The following GPC5 variants were observed in gnomAD, a reference collection of about 807,000 sequenced individuals.
GPC5 encodes the protein glypican 5.
In GPC5, 47 loss-of-function variants were observed where a neutral mutation model predicts 53.9. That is an observed-to-expected ratio of 0.87 (90% confidence interval 0.69 to 1.11). GPC5 has a LOEUF of 1.11. GPC5 is among the 50% of genes most tolerant of loss of function. The probability of loss-of-function intolerance (pLI) is 0.00; values close to 1 mark genes in which losing one functional copy is unlikely to be tolerated. For missense variants in GPC5, 748 were observed against 713.1 expected, an observed-to-expected ratio of 1.05 and a Z score of -0.56; for synonymous variants, 286 against 263.3, an observed-to-expected ratio of 1.09 and a Z score of -0.84.
intron 7 of GPC5, among the ~76,000 whole-genome samples, chr13:92,357,248 A>G (rs970260663): frequency 1.3e-5 from 2 of 151,672 alleles, no homozygotes; most frequent in African/African-American, 4.9e-5. Flanking sequence ...GGGATTTCTG[A>G]GTTGAATGGT....
chr13:92,696,822 T>C (rs1424664308), intron 7 of GPC5, among the ~76,000 whole-genome samples: 1 of 152,246 alleles, frequency 6.6e-6, no homozygotes, highest in African/African-American at 2.4e-5. Context: ...GGGGTTTTTA[T>C]GGTTTTAGGT....
intron 7 of GPC5, among the ~76,000 whole-genome samples, chr13:92,783,338 G>T (rs1876099729): frequency 6.6e-6 from 1 of 152,108 alleles, no homozygotes; most frequent in Admixed American, 6.6e-5. Flanking sequence ...GTTTACAGGG[G>T]TTCACTTACA....
At chr13:92,701,762 A>G (rs925367651) in intron 7 of GPC5, among the ~76,000 whole-genome samples, 1 of 152,166 alleles carries the variant, frequency 6.6e-6, no homozygotes, top group Non-Finnish European at 1.5e-5. Flanking sequence ...TCCACATTCT[A>G]GCAATCTATT....
At chr13:92,865,755 C>T (rs1295169211) in intron 7 of GPC5, among the ~76,000 whole-genome samples, 1 of 151,666 alleles carries the variant, frequency 6.6e-6, no homozygotes, top group Non-Finnish European at 1.5e-5. Context: ...ACATTGTACC[C>T]CATCAATATC....
At chr13:92,463,562 C>T (rs945763429) in intron 7 of GPC5, among the ~76,000 whole-genome samples, 1 of 151,862 alleles carries the variant, frequency 6.6e-6, no homozygotes, top group African/African-American at 2.4e-5. Context: ...CTGCTGTGAT[C>T]TTTAAACTAT....
At chr13:92,113,880 G>A (rs2138931901) in intron 6 of GPC5, among the ~76,000 whole-genome samples, 1 of 152,200 alleles carries the variant, frequency 6.6e-6, no homozygotes, top group East Asian at 1.9e-4. Context: ...GAGCAAGAGA[G>A]CAAGATGGGT....
chr13:92,848,512 T>C (rs544827249), intron 7 of GPC5, among the ~76,000 whole-genome samples: 2 of 151,868 alleles, frequency 1.3e-5, no homozygotes, highest in East Asian at 3.9e-4. Flanking sequence ...GCCCTAGGAA[T>C]AGAAAACAAA....
At chr13:92,371,151 AAAACC>A (rs765875912) in intron 7 of GPC5, among the ~76,000 whole-genome samples, 1 of 152,240 alleles carries the variant, frequency 6.6e-6, no homozygotes, top group Non-Finnish European at 1.5e-5. Flanking sequence ...CACCATGTCC[AAAACC>A]AAACCAAACC....
intron 5 of GPC5, among the ~76,000 whole-genome samples, chr13:91,774,995 G>C (rs1436736431): frequency 1.3e-5 from 2 of 152,186 alleles, no homozygotes; most frequent in African/African-American, 4.8e-5. Flanking sequence ...GTAAGTAGGA[G>C]CTAGCTAGGT....
chr13:92,856,709 A>G lies in GPC5; in HGVS notation c.1562-9573A>G, dbSNP rs1428787161. 3.3e-5 allele frequency among the ~76,000 whole-genome samples: 5 copies of G among 152,136 alleles called. No homozygotes were observed. The East Asian group carries it at 9.6e-4, about 29-fold the overall frequency. On this transcript the variant is annotated intron_variant, in intron 7 of 7. Coordinates refer to ENST00000377067, the MANE Select transcript of GPC5 (RefSeq NM_004466.6). ...TAATAACATTCAAGCTGAGAGCCAA[A>G]TCAATAGCATAATCCCATTTGTAAT...
chr13:92,689,332 G>T (rs1336304700), intron 7 of GPC5, among the ~76,000 whole-genome samples: 104 of 6,190 alleles, frequency 0.017, no homozygotes, highest in African/African-American at 0.027. Context: ...GGCCTTCTTT[G>T]TCTCTTTTGA....
intron 3 of GPC5, among the ~76,000 whole-genome samples, chr13:91,727,341 A>T (rs191747329): frequency 6.6e-6 from 1 of 152,088 alleles, no homozygotes; most frequent in East Asian, 1.9e-4. Flanking sequence ...CACCACCCCC[A>T]CTGGGCAAGG....
chr13:91,695,509 G>A (rs1485359605), intron 3 of GPC5, among the ~76,000 whole-genome samples: 1 of 152,056 alleles, frequency 6.6e-6, no homozygotes, highest in Admixed American at 6.5e-5. Context: ...ACGTAGCTGG[G>A]ACTACAGGTG....
chr13:91,986,837 C>T (rs1376103601), intron 6 of GPC5, among the ~76,000 whole-genome samples: 1 of 151,374 alleles, frequency 6.6e-6, no homozygotes, highest in Non-Finnish European at 1.5e-5. Context: ...TTAGTAAAAA[C>T]ATTTATATTT....
chr13:91,632,065 A>G (rs751931562), intron 2 of GPC5, among the ~76,000 whole-genome samples: 25 of 152,176 alleles, frequency 1.6e-4, no homozygotes, highest in Non-Finnish European at 2.9e-4. Flanking sequence ...GCCAACTGGT[A>G]CAATTGATCT....
chr13:92,477,516 G>C (rs1879197008), intron 7 of GPC5, among the ~76,000 whole-genome samples: 1 of 152,126 alleles, frequency 6.6e-6, no homozygotes, highest in East Asian at 1.9e-4. Flanking sequence ...CCTCTCCTGA[G>C]TGAAGGCAAT....
chr13:91,707,390 A>G (rs543656763), intron 3 of GPC5, among the ~76,000 whole-genome samples: 1 of 152,286 alleles, frequency 6.6e-6, no homozygotes, highest in Admixed American at 6.5e-5. Flanking sequence ...TGGGAGGCCA[A>G]GATGGGAGGA....
At chr13:92,680,525 AAAAT>A (rs1887081143) in intron 7 of GPC5, among the ~76,000 whole-genome samples, 1 of 152,206 alleles carries the variant, frequency 6.6e-6, no homozygotes, top group Non-Finnish European at 1.5e-5. Flanking sequence ...AATGAATAGA[AAAAT>A]AAATTGCTCT....
At chr13:92,289,927 C>A (rs895580442) in intron 7 of GPC5, among the ~76,000 whole-genome samples, 7 of 152,060 alleles carry the variant, frequency 4.6e-5, no homozygotes, top group African/African-American at 1.7e-4. Flanking sequence ...AAAGAAAATT[C>A]TTTTAAATTT....
Sources: allele counts gnomAD v4.1 joint callset (sites outside exome capture counted in the v4.1 genomes callset), GRCh38; gene constraint gnomAD v4.1.1; transcripts MANE v1.5; gene names NCBI Gene and HGNC (gene_info 2026-07-23, HGNC 2026-07-21).